The following GRHL2 variants were observed in gnomAD, a reference collection of about 807,000 sequenced individuals.
GRHL2 encodes the protein grainyhead-like protein 2 homolog.
In GRHL2, 21 loss-of-function variants were observed where a neutral mutation model predicts 83.8. The ratio of observed to expected loss-of-function variants is 0.25; its 90% CI spans 0.18 to 0.36. GRHL2 has a LOEUF of 0.36. Ranked by LOEUF, GRHL2 falls within the 10% of genes least tolerant of loss-of-function variation. The pLI, the probability that GRHL2 is intolerant of heterozygous loss-of-function variation, is 1.00. For synonymous variants in GRHL2, 280 were observed against 278.9 expected, an observed-to-expected ratio of 1.00 and a Z score of -0.04; for missense variants, 623 against 781.8, an observed-to-expected ratio of 0.80 and a Z score of 2.42.
chr8:101,529,264 C>T (rs1810870036), intron 1 of GRHL2: 2 of 208,008 alleles, frequency 9.6e-6, no homozygotes, highest in South Asian at 1.4e-4. Flanking sequence ...GAAACCCCAT[C>T]TCTACTAAAA....
chr8:101,596,114 C>T (rs919325170), intron 7 of GRHL2, among the ~76,000 whole-genome samples: 5 of 133,392 alleles, frequency 3.7e-5, no homozygotes, highest in South Asian at 2.5e-4. Flanking sequence ...AGCAGGACTC[C>T]GTCTCAAAAA....
intron 11 of GRHL2, 157 bp from the exon 12 acceptor site, chr8:101,636,740 C>CACAA (rs1339385626): frequency 4.4e-6 from 3 of 684,554 alleles, no homozygotes; most frequent in African/African-American, 3.5e-5. Flanking sequence ...CACACACACA[C>CACAA]ACACACACAC....
At chr8:101,622,752 A>G (rs1812990576) in intron 9 of GRHL2, among the ~76,000 whole-genome samples, 1 of 152,170 alleles carries the variant, frequency 6.6e-6, no homozygotes, top group Non-Finnish European at 1.5e-5. Flanking sequence ...TAAGCTCTTT[A>G]GTGGTGATTT....
Position 101,619,520 on chromosome 8 carries a change from T to A in GRHL2, c.1099-19T>A, listed in dbSNP as rs1251277199. ...CTTTTTATGTTGACTTGTGAACTTT[T>A]TCTTTCTCTTTCCCTCAGATTTTCA... On this transcript the variant is annotated intron_variant, in intron 8 of 15. Transcript: ENST00000646743. The A allele has an allele frequency of 6.2e-7, 1 of 1,613,028 alleles. No homozygotes were observed. Among genetic ancestry groups the A allele is most frequent in the Non-Finnish European group, 8.5e-7 (1 of 1,179,372 alleles).
At chr8:101,642,843 C>T (rs1813429269) in intron 12 of GRHL2, among the ~76,000 whole-genome samples, 1 of 152,176 alleles carries the variant, frequency 6.6e-6, no homozygotes, top group Non-Finnish European at 1.5e-5. Flanking sequence ...AGTTGCATTG[C>T]CCTGCATTTG....
chr8:101,570,532 T>A (rs963525594), intron 5 of GRHL2, 138 bp downstream of exon 5: 13 of 758,956 alleles, frequency 1.7e-5, no homozygotes, highest in Non-Finnish European at 2.5e-5. Context: ...CAGTGCTTTT[T>A]TCTTTATACA....
At chr8:101,498,801 C>A (rs1586393246) in intron 1 of GRHL2, among the ~76,000 whole-genome samples, 1 of 152,086 alleles carries the variant, frequency 6.6e-6, no homozygotes, top group African/African-American at 2.4e-5. Context: ...TAAAGCCGGG[C>A]GTGGTGGCTC....
intron 4 of GRHL2, among the ~76,000 whole-genome samples, chr8:101,563,731 T>G (rs1281567949): frequency 2.6e-5 from 4 of 151,312 alleles, no homozygotes; most frequent in Non-Finnish European, 5.9e-5. Context: ...TTTTTTTTTG[T>G]TTTTTTGTTT....
rs1276827371 is a variant in GRHL2 at position 101,540,966 on chromosome 8, CTGTT to C, written c.21-2272_21-2269del. On this transcript the variant is annotated intron_variant, in intron 1 of 15. Transcript: ENST00000646743. ...TTGTACCAATGTTTATTATATCACT[CTGTT>C]TGCCTTTGCATACCCATAGCTGCTT... is the stretch of plus-strand genomic sequence containing the variant. Among the ~76,000 whole-genome samples the C allele has an allele frequency of 2.0e-5, 3 of 152,136 alleles. No homozygotes were observed. In the East Asian group the frequency reaches 5.8e-4, roughly 29 times the overall value.
intron 1 of GRHL2, among the ~76,000 whole-genome samples, chr8:101,509,242 TGTG>T: frequency 2.1e-5 from 3 of 144,218 alleles, no homozygotes; most frequent in East Asian, 2.0e-4. Context: ...TGTGTGTGTG[TGTG>T]TTTTGGCCTA....
chr8:101,547,331 G>A (rs1811287382), intron 2 of GRHL2, among the ~76,000 whole-genome samples: 1 of 152,112 alleles, frequency 6.6e-6, no homozygotes, highest in Admixed American at 6.5e-5. Context: ...GACTTTGTAT[G>A]CCTCTTCAGA....
chr8:101,529,387 T>C, intron 1 of GRHL2: 1 of 163,292 alleles, frequency 6.1e-6, no homozygotes, highest in Non-Finnish European at 1.3e-5. Flanking sequence ...GAGCCAAGAT[T>C]GAACCACTGC....
chr8:101,533,128 G>T (rs1810973114), intron 1 of GRHL2, among the ~76,000 whole-genome samples: 1 of 151,982 alleles, frequency 6.6e-6, no homozygotes, highest in African/African-American at 2.4e-5. Flanking sequence ...GAGAATAGAA[G>T]AATGAATCTC....
intron 14 of GRHL2, among the ~76,000 whole-genome samples, chr8:101,652,415 G>A (rs1813663987): frequency 1.1e-5 from 1 of 87,828 alleles, no homozygotes; most frequent in Non-Finnish European, 2.1e-5. Flanking sequence ...TGTGTGTGGT[G>A]TGTGTGTGTG....
intron 1 of GRHL2, among the ~76,000 whole-genome samples, chr8:101,493,996 TC>T (rs1289690020): frequency 6.6e-6 from 1 of 151,970 alleles, no homozygotes; most frequent in African/African-American, 2.4e-5. Context: ...GACACTCCCT[TC>T]CCCCTCCTCT....
intron 2 of GRHL2, among the ~76,000 whole-genome samples, chr8:101,551,169 G>A (rs927838269): frequency 6.6e-6 from 1 of 152,012 alleles, no homozygotes; most frequent in Non-Finnish European, 1.5e-5. Context: ...GCAATGCCTG[G>A]TATAGTATAC....
chr8:101,637,036 A>G (rs1813301920), intron 12 of GRHL2, 108 bp downstream of exon 12: 1 of 966,242 alleles, frequency 1.0e-6, no homozygotes, highest in Admixed American at 1.7e-5. Flanking sequence ...CCCTCCTCTC[A>G]CCTCAGGACT....
Position 101,509,161 on chromosome 8 carries a change from T to C in GRHL2, c.20+16372T>C, listed in dbSNP as rs868304906. ...TCCTTCCTTCCTTCCTTCCTTCCTT[T>C]CTTTCTTTCTTTTTCTTTCTTTCTT... On this transcript the variant is annotated intron_variant, in intron 1 of 15. Coordinates refer to ENST00000646743, the MANE Select transcript of GRHL2 (RefSeq NM_024915.4). 2.0e-3 allele frequency among the ~76,000 whole-genome samples: 204 copies of C among 104,020 alleles called. 3 individuals carry two copies. Among genetic ancestry groups the C allele is most frequent in the Middle Eastern group, 9.6e-3 (2 of 208 alleles). 68.2% of individuals were successfully genotyped at this position (104,020 alleles called of 152,430 possible). A position where few individuals can be genotyped will look rare whatever the true frequency, so the allele number is the denominator to read the frequency against.
At chr8:101,512,881 C>G (rs1810493170) in intron 1 of GRHL2, among the ~76,000 whole-genome samples, 1 of 152,122 alleles carries the variant, frequency 6.6e-6, no homozygotes, top group South Asian at 2.1e-4. Context: ...GTTTCGTAGG[C>G]TAAAGGTCTG....
Sources: allele counts gnomAD v4.1 joint callset (sites outside exome capture counted in the v4.1 genomes callset), GRCh38; gene constraint gnomAD v4.1.1; transcripts MANE v1.5; gene names NCBI Gene and HGNC (gene_info 2026-07-23, HGNC 2026-07-21).